The following PHF2 variants were observed in gnomAD, a reference collection of about 807,000 sequenced individuals.
PHF2 encodes the protein lysine-specific demethylase PHF2.
A neutral mutation model predicts 120.5 loss-of-function variants in PHF2; 27 were observed. That is an observed-to-expected ratio of 0.22 (90% CI 0.17 to 0.31). The LOEUF is 0.31. PHF2 is among the 10% of genes least tolerant of loss of function. The pLI is 1.00. For missense variants in PHF2, 1,024 were observed against 1,434.8 expected, an observed-to-expected ratio of 0.71 and a Z score of 4.63; for synonymous variants, 568 against 592.5, an observed-to-expected ratio of 0.96 and a Z score of 0.60.
rs911799510 is a variant in PHF2, at chr9:93,669,351, C to G, written c.2348+2111C>G. Among the ~76,000 whole-genome samples the G allele has an allele frequency of 2.1e-4, 32 of 152,230 alleles. 1 individual carries two copies. Among genetic ancestry groups the G allele is most frequent in the Non-Finnish European group, 7.3e-5 (5 of 68,044 alleles). ...CTGGGGCTGGGAGAGCCTGCTTCTG[C>G]GGAGATGTCAGTGAGGGCAGGAGTG... On this transcript the variant is annotated intron_variant, in intron 17 of 21. Transcript: ENST00000359246.
chr9:93,659,714 A>G (rs1826524535), intron 11 of PHF2, 114 bp downstream of exon 11: 3 of 932,400 alleles, frequency 3.2e-6, no homozygotes, highest in African/African-American at 1.6e-5. Context: ...TGGGAAGGCC[A>G]GTGCCCCAGA....
Position 93,661,846 on chromosome 9 carries a change from T to A in PHF2, c.1699-1061T>A, listed in dbSNP as rs1351975647. ...TGGATGGTTGGGTGGATGGATGGAT[T>A]GATGAATAAATGGATGGATGGATGA... On this transcript the variant is annotated intron_variant, in intron 12 of 21. Coordinates refer to ENST00000359246, the MANE Select transcript of PHF2 (RefSeq NM_005392.4). 2.8e-5 allele frequency among the ~76,000 whole-genome samples: 4 copies of A among 144,644 alleles called. No individual in the cohort carries two copies. The East Asian group carries it at 8.4e-4, about 30-fold the overall frequency. The allele number at this position is 144,644 out of a possible 152,430, so 94.9% of individuals were successfully genotyped here.
chr9:93,595,307 A>C (rs1825311539), intron 1 of PHF2, among the ~76,000 whole-genome samples: 1 of 152,242 alleles, frequency 6.6e-6, no homozygotes. Context: ...ATATGTACTT[A>C]GATACTTAGG....
intron 10 of PHF2, among the ~76,000 whole-genome samples, chr9:93,658,612 CTG>C (rs570003415): frequency 2.8e-4 from 42 of 152,180 alleles, no homozygotes; most frequent in South Asian, 2.3e-3. Flanking sequence ...TGGGATGACA[CTG>C]TGTGAGCACA....
chr9:93,618,028 T>A (rs1825755692), intron 1 of PHF2, among the ~76,000 whole-genome samples: 1 of 152,272 alleles, frequency 6.6e-6, no homozygotes, highest in African/African-American at 2.4e-5. Context: ...TGACAGTCAG[T>A]CACTGCAGTG....
In PHF2 at chr9:93,667,117, A is replaced by G; in HGVS notation, c.2225A>G (p.Asp742Gly). 1 of 1,613,230 alleles carries G rather than the reference A, an allele frequency of 6.2e-7. No homozygotes were observed. Among genetic ancestry groups the G allele is most frequent in the East Asian group, 2.2e-5 (1 of 44,878 alleles). Residue 742 changes from aspartate to glycine, a missense_variant, in exon 17 of 22, where the codon GAC becomes GGC. Coordinates refer to ENST00000359246, the MANE Select transcript of PHF2 (RefSeq NM_005392.4). The part of the protein sequence containing the change: ...DSSDEGSLHI[D>G]TDTKPGRNAR... ...TCGGACGAGGGTTCGCTGCACATCG[A>G]CACAGACACCAAGCCCGGCCGCAAT...
At chr9:93,676,488 C>G (rs1826913184) in intron 20 of PHF2, 106 bp from the exon 21 acceptor site, 5 of 1,383,354 alleles carry the variant, frequency 3.6e-6, no homozygotes, top group Non-Finnish European at 3.9e-6. Flanking sequence ...TGCTGCCCAG[C>G]CCTGCTGTGC....
chr9:93,602,852 G>A (rs1432295852), intron 1 of PHF2, among the ~76,000 whole-genome samples: 1 of 152,186 alleles, frequency 6.6e-6, no homozygotes, highest in Non-Finnish European at 1.5e-5. Flanking sequence ...GGTCACTTAG[G>A]TGTGGCCTAG....
At chr9:93,611,974 C>T (rs963731188) in intron 1 of PHF2, among the ~76,000 whole-genome samples, 3 of 152,226 alleles carry the variant, frequency 2.0e-5, no homozygotes, top group African/African-American at 7.2e-5. Flanking sequence ...CCACTGCAAT[C>T]AAGGGCCTGT....
intron 1 of PHF2, among the ~76,000 whole-genome samples, chr9:93,598,978 A>G (rs959537683): frequency 6.6e-6 from 1 of 152,092 alleles, no homozygotes; most frequent in African/African-American, 2.4e-5. Context: ...CCTTGGAAGC[A>G]GCATTGTTTT....
At chr9:93,647,088 T>C (rs2398856) in intron 4 of PHF2, among the ~76,000 whole-genome samples, 54,089 of 152,144 alleles carry the variant, frequency 0.36, 10,019 homozygotes, top group Non-Finnish European at 0.4. Context: ...TCTGTCTTGC[T>C]GCACAATGCT....
chr9:93,673,270 G>A (rs918755836), intron 17 of PHF2, among the ~76,000 whole-genome samples: 3 of 151,890 alleles, frequency 2.0e-5, no homozygotes, highest in South Asian at 2.1e-4. Context: ...AGACCAGTGC[G>A]TGACCATATG....
Position 93,675,804 on chromosome 9 carries a change from G to A in PHF2, c.2832+15G>A. 6.3e-7 allele frequency: 1 copy of A among 1,596,584 alleles called. No homozygotes were observed. Among genetic ancestry groups the A allele is most frequent in the Non-Finnish European group, 8.5e-7 (1 of 1,170,102 alleles). On this transcript the variant is annotated intron_variant, in intron 20 of 21. Coordinates refer to ENST00000359246, the MANE Select transcript of PHF2 (RefSeq NM_005392.4). ...TGTCCCAGCAGGTGAGGAGGGGCGAGAAGGACACACGGCAGCCAGGTCCCT... is the reference window on the plus strand; with the variant it reads ...TGTCCCAGCAGGTGAGGAGGGGCGAAAAGGACACACGGCAGCCAGGTCCCT...
At chr9:93,654,338 G>T in intron 6 of PHF2, 75 bp from the exon 7 acceptor site, 1 of 1,462,170 alleles carries the variant, frequency 6.8e-7, no homozygotes, top group South Asian at 1.2e-5. Flanking sequence ...TACTTTTCAC[G>T]TTAGGACCTG....
At chr9:93,648,579 A>G (rs1264099103) in intron 4 of PHF2, among the ~76,000 whole-genome samples, 1 of 152,186 alleles carries the variant, frequency 6.6e-6, no homozygotes, top group East Asian at 1.9e-4. Context: ...TTTCCTCCTC[A>G]GCTCATCTGG....
chr9:93,589,763 C>T (rs1863134553), intron 1 of PHF2, among the ~76,000 whole-genome samples: 1 of 152,208 alleles, frequency 6.6e-6, no homozygotes, highest in Non-Finnish European at 1.5e-5. Flanking sequence ...ATGCGTGCCT[C>T]TCCCCTGTCT....
chr9:93,610,502 C>T (rs1359283962), intron 1 of PHF2, among the ~76,000 whole-genome samples: 1 of 152,162 alleles, frequency 6.6e-6, no homozygotes, highest in Non-Finnish European at 1.5e-5. Flanking sequence ...TCCTTGCAGG[C>T]TTTATTACAG....
intron 6 of PHF2, among the ~76,000 whole-genome samples, chr9:93,653,798 T>C (rs945818492): frequency 3.9e-5 from 6 of 151,982 alleles, no homozygotes; most frequent in African/African-American, 1.5e-4. Context: ...AGAAGAAAAA[T>C]GAGACGTAAA....
intron 1 of PHF2, among the ~76,000 whole-genome samples, chr9:93,608,437 T>C (rs1382395180): frequency 1.3e-5 from 2 of 151,840 alleles, no homozygotes; most frequent in East Asian, 3.9e-4. Context: ...GGTTTTAGTA[T>C]TAGGGTAATT....
Sources: allele counts gnomAD v4.1 joint callset (sites outside exome capture counted in the v4.1 genomes callset), GRCh38; gene constraint gnomAD v4.1.1; transcripts MANE v1.5; gene names NCBI Gene and HGNC (gene_info 2026-07-23, HGNC 2026-07-21).